NRG2: variants seen among roughly 807,000 people sequenced by gnomAD.
The protein encoded by NRG2 is pro-neuregulin-2, membrane-bound isoform.
A neutral mutation model predicts 73.9 loss-of-function variants in NRG2; 27 were observed. The observed-to-expected ratio is 0.37, with a 90% CI of 0.27 to 0.50. The LOEUF (loss-of-function observed/expected upper bound fraction) is 0.50, where lower values mean the gene tolerates loss of function less well. Ranked by LOEUF, NRG2 falls within the 20% of genes least tolerant of loss-of-function variation. The probability of loss-of-function intolerance (pLI) is 0.96; values close to 1 mark genes in which losing one functional copy is unlikely to be tolerated. For missense variants in NRG2, 1,126 were observed against 1,210.1 expected (o/e 0.93, Z 1.03); for synonymous variants, 532 against 541.0 (o/e 0.98, Z 0.23).
At chr5:139,920,894 C>T (rs1357827105) in intron 1 of NRG2, among the ~76,000 whole-genome samples, 1 of 152,208 alleles carries the variant, frequency 6.6e-6, no homozygotes, top group East Asian at 1.9e-4. Flanking sequence ...AAAGTGATTA[C>T]AGCAAGGCTG....
intron 1 of NRG2, among the ~76,000 whole-genome samples, chr5:139,941,046 T>A (rs935661751): frequency 1.3e-5 from 2 of 152,094 alleles, no homozygotes; most frequent in African/African-American, 4.8e-5. Flanking sequence ...GAATAGCATA[T>A]ACAAAGATCA....
chr5:139,880,800 C>G, intron 3 of NRG2, 56 bp downstream of exon 3: 1 of 1,418,566 alleles, frequency 7.0e-7, no homozygotes, highest in African/African-American at 1.4e-5. Context: ...TGGGGGGCCA[C>G]TGGCCCGCCC....
chr5:139,902,334 G>A (rs1764939686), intron 1 of NRG2, among the ~76,000 whole-genome samples: 1 of 152,228 alleles, frequency 6.6e-6, no homozygotes, highest in Non-Finnish European at 1.5e-5. Flanking sequence ...CTGAGGCAGA[G>A]GAAAAGCCCA....
chr5:139,961,041 G>A (rs1755017755), intron 1 of NRG2, among the ~76,000 whole-genome samples: 1 of 152,210 alleles, frequency 6.6e-6, no homozygotes, highest in Non-Finnish European at 1.5e-5. Flanking sequence ...AGTTCTTTGA[G>A]AGGCTTGGAT....
Position 139,887,299 on chromosome 5 carries a change from G to C in NRG2, c.872+41C>G, listed in dbSNP as rs200851590. 1.2e-6 allele frequency: 2 copies of C among 1,606,456 alleles called. No individual in the cohort carries two copies. Among genetic ancestry groups the C allele is most frequent in the South Asian group, 2.2e-5 (2 of 90,078 alleles). ...GGCCACTCCTTCTCGAGAGGAGGGA[G>C]GGCAGCTGCTTGGATGGAGGACAGG... On this transcript the variant is annotated intron_variant, in intron 2 of 9. Coordinates refer to ENST00000361474, the MANE Select transcript of NRG2 (RefSeq NM_004883.3). This position sits in a 1 kb window ranked among gnomAD's most constrained non-coding sequence, Gnocchi z 4.5.
At chr5:139,876,925 C>CTGTGTGTGTGTGTGTG (rs3082489) in intron 3 of NRG2, among the ~76,000 whole-genome samples, 4 of 142,008 alleles carry the variant, frequency 2.8e-5, no homozygotes, top group South Asian at 4.8e-4. Context: ...GAATGTGCAT[C>CTGTGTGTGTGTGTGTG]TGTGTGTGTG....
chr5:139,855,230 C>T (rs1167252229), intron 6 of NRG2, among the ~76,000 whole-genome samples: 1 of 152,200 alleles, frequency 6.6e-6, no homozygotes, highest in East Asian at 1.9e-4. Context: ...TGTTCCTCCC[C>T]AACACTACCT....
At chr5:139,932,996 C>T (rs571483253) in intron 1 of NRG2, among the ~76,000 whole-genome samples, 8 of 152,146 alleles carry the variant, frequency 5.3e-5, no homozygotes, top group South Asian at 2.1e-4. Flanking sequence ...GAGAACAGGC[C>T]GCACGCGGTG....
At chr5:139,860,644 C>A (rs1264519665) in intron 5 of NRG2, among the ~76,000 whole-genome samples, 6 of 152,330 alleles carry the variant, frequency 3.9e-5, no homozygotes, top group South Asian at 2.1e-4. Flanking sequence ...CTGCAACTCA[C>A]AGGAAGAGAC....
chr5:140,019,354 T>TCACAGTTGTAATAATAACAA, intron 1 of NRG2: 1 of 152,346 alleles, frequency 6.6e-6, no homozygotes, highest in East Asian at 1.9e-4. Context: ...ACAGAACCCT[T>TCACAGTTGTAATAATAACAA]CAAAGAACCA....
At chr5:139,877,795 G>A (rs1043126113) in intron 3 of NRG2, among the ~76,000 whole-genome samples, 12 of 152,210 alleles carry the variant, frequency 7.9e-5, no homozygotes, top group Non-Finnish European at 8.8e-5. Flanking sequence ...GCCCCACAAC[G>A]GGAAAACCAA....
chr5:139,986,868 G>A (rs1441071485), intron 1 of NRG2, among the ~76,000 whole-genome samples: 1 of 152,152 alleles, frequency 6.6e-6, no homozygotes, highest in Non-Finnish European at 1.5e-5. Context: ...TAGAGGCTCT[G>A]AGGGGACATA....
chr5:139,852,182 G>A lies in NRG2; in HGVS notation c.1544+250C>T, dbSNP rs1034810073. Among the ~76,000 whole-genome samples the A allele has an allele frequency of 2.0e-5, 3 of 152,210 alleles. No individual in the cohort carries two copies. Among genetic ancestry groups the A allele is most frequent in the African/African-American group, 7.2e-5 (3 of 41,448 alleles). ...CCCAGCCCCAGGGGCCAGTATGTGA[G>A]GGCCCTGACTATTTCCTGGTGCTCC... On this transcript the variant is annotated intron_variant, in intron 8 of 9. Transcript: ENST00000361474. The surrounding 1 kb of genome is among the most constrained non-coding windows in gnomAD (Gnocchi z 4.4).
chr5:139,878,018 A>G (rs3777102), intron 3 of NRG2, among the ~76,000 whole-genome samples: 37,660 of 152,072 alleles, frequency 0.25, 5,779 homozygotes, highest in African/African-American at 0.43. Flanking sequence ...AGCATGGCCT[A>G]CGGAGGGCTG....
intron 1 of NRG2, among the ~76,000 whole-genome samples, chr5:139,924,277 G>C (rs1440312721): frequency 6.6e-6 from 1 of 152,240 alleles, no homozygotes; most frequent in African/African-American, 2.4e-5. Context: ...TCTCACAAGA[G>C]TGCTAAATCA....
intron 1 of NRG2, among the ~76,000 whole-genome samples, chr5:139,996,846 G>C (rs973577491): frequency 1.4e-4 from 21 of 152,276 alleles, no homozygotes; most frequent in African/African-American, 4.6e-4. Context: ...AAAAGATTGA[G>C]GGGGTGGCCA....
chr5:139,948,136 C>T (rs1458114077), intron 1 of NRG2, among the ~76,000 whole-genome samples: 1 of 152,212 alleles, frequency 6.6e-6, no homozygotes. Context: ...TCTGACTACT[C>T]TAGGCACCTC....
At position 140,002,243 on chromosome 5, in the gene NRG2, A is replaced by T. The variant is rs55743345; in HGVS notation, c.700+40127T>A. ...CTGTGACAGGGGAAAAAAAGACAAA[A>T]TTTTTTGTCCTCTTGAAGTCTCCAA... is the stretch of plus-strand genomic sequence containing the variant. On this transcript the variant is annotated intron_variant, in intron 1 of 9. Transcript: ENST00000361474. Among the ~76,000 whole-genome samples the T allele has an allele frequency of 6.8e-3, 1,041 of 152,250 alleles. 8 individuals are homozygous for T. The highest frequency in any genetic ancestry group is 0.024 in the African/African-American group (983 of 41,536).
intron 1 of NRG2, among the ~76,000 whole-genome samples, chr5:139,902,819 T>C (rs1764974626): frequency 6.6e-6 from 1 of 152,196 alleles, no homozygotes; most frequent in African/African-American, 2.4e-5. Context: ...TGGGAGCTCA[T>C]CCCACACTGC....
Sources: gnomAD v4.1 joint callset for allele counts (sites outside exome capture counted in the v4.1 genomes callset) on GRCh38, gnomAD v4.1.1 for gene constraint, Gnocchi (gnomAD v3.1) non-coding constraint, MANE v1.5 for transcripts, NCBI Gene and HGNC (gene_info 2026-07-23, HGNC 2026-07-21) for gene names.